The following CSMD2 variants were observed in gnomAD, a reference collection of about 807,000 sequenced individuals.
CSMD2 encodes CUB and sushi domain-containing protein 2.
In CSMD2, 130 loss-of-function variants were observed where a neutral mutation model predicts 398.5. The ratio of observed to expected loss-of-function variants is 0.33; its 90% CI spans 0.28 to 0.38. CSMD2 has a LOEUF of 0.38. CSMD2 is among the 10% of genes least tolerant of loss of function. The pLI, the probability that CSMD2 is intolerant of heterozygous loss-of-function variation, is 1.00. For synonymous variants in CSMD2, 1,828 were observed against 1,908.5 expected, an observed-to-expected ratio of 0.96 and a Z score of 1.10; for missense variants, 3,829 against 4,764.9, an observed-to-expected ratio of 0.80 and a Z score of 5.78.
chr1:33,847,850 C>T (rs542225044), intron 5 of CSMD2, among the ~76,000 whole-genome samples: 1 of 152,194 alleles, frequency 6.6e-6, no homozygotes, highest in East Asian at 1.9e-4. Context: ...CAAAAGCTTG[C>T]AAGGATTAAA....
chr1:33,519,691 A>T lies in CSMD2; in HGVS notation c.10737-14T>A, dbSNP rs755793348. The stretch of plus-strand genomic sequence containing the variant: ...TTGGGTCTTCTCCTGGCGATAAAAG[A>T]GGAAGTGCCCACGGCATGAAAAGAG... On this transcript the variant is annotated splice_polypyrimidine_tract_variant and intron_variant, in intron 69 of 70. Transcript: ENST00000373381. The surrounding 1 kb of genome is among the most constrained non-coding windows in gnomAD (Gnocchi z 5.6). 3 of 1,613,752 alleles carry T rather than the reference A, an allele frequency of 1.9e-6. No homozygotes were observed. In the Admixed American group the frequency reaches 5.0e-5, roughly 27 times the overall value.
intron 5 of CSMD2, among the ~76,000 whole-genome samples, chr1:33,901,299 G>T (rs1406534033): frequency 6.6e-6 from 1 of 152,228 alleles, no homozygotes. Context: ...TGATGCTGGT[G>T]AGATGCGGTT....
chr1:33,757,099 T>C (rs893420540), intron 13 of CSMD2, among the ~76,000 whole-genome samples: 21 of 151,566 alleles, frequency 1.4e-4, no homozygotes, highest in African/African-American at 1.9e-4. Flanking sequence ...TAGGTGGGAA[T>C]TGAACAATGA....
chr1:33,940,206 G>A (rs539138458), intron 3 of CSMD2, among the ~76,000 whole-genome samples: 1 of 152,096 alleles, frequency 6.6e-6, no homozygotes, highest in Admixed American at 6.5e-5. Flanking sequence ...GTGTTCTCTT[G>A]CTTTGTTTCT....
In CSMD2 at chr1:33,545,948, T is replaced by C; in HGVS notation, c.9100+89A>G. Reference sequence around the variant, plus strand: ...CAAATGGGGCCACGGTTTTTTTCTGTGAGCGCAGGTGCCTGGGAATAAGAG... The same window carrying C: ...CAAATGGGGCCACGGTTTTTTTCTGCGAGCGCAGGTGCCTGGGAATAAGAG... On this transcript the variant is annotated intron_variant, in intron 57 of 70. Coordinates refer to ENST00000373381, the MANE Select transcript of CSMD2 (RefSeq NM_001281956.2). 1.1e-5 allele frequency: 15 copies of C among 1,312,656 alleles called. 1 individual carries two copies. The highest frequency in any genetic ancestry group is 1.5e-5 in the Non-Finnish European group (14 of 950,890). The allele number at this position is 1,312,656 out of a possible 1,614,324, so 81.3% of individuals were successfully genotyped here. A position where few individuals can be genotyped will look rare whatever the true frequency, so the allele number is the denominator to read the frequency against.
chr1:34,056,190 T>G (rs1179255022), intron 2 of CSMD2, among the ~76,000 whole-genome samples: 1 of 152,190 alleles, frequency 6.6e-6, no homozygotes, highest in Non-Finnish European at 1.5e-5. Context: ...AACTCCCATT[T>G]CTTCTTTAAG....
At chr1:33,625,708 A>G (rs1057000466) in intron 33 of CSMD2, among the ~76,000 whole-genome samples, 1 of 152,042 alleles carries the variant, frequency 6.6e-6, no homozygotes, top group Non-Finnish European at 1.5e-5. Context: ...TGCCGCCCAG[A>G]ATGGCTGATG....
chr1:33,563,431 G>A (rs191368890), intron 53 of CSMD2, among the ~76,000 whole-genome samples: 17 of 152,218 alleles, frequency 1.1e-4, no homozygotes, highest in African/African-American at 3.9e-4. Flanking sequence ...ACACAGAGCA[G>A]ATGTGTGGGT....
At chr1:33,589,373 C>T (rs1410443294) in intron 44 of CSMD2, among the ~76,000 whole-genome samples, 2 of 152,194 alleles carry the variant, frequency 1.3e-5, no homozygotes, top group African/African-American at 4.8e-5. Flanking sequence ...GATGAGGTTA[C>T]AAGAACAACC....
chr1:33,581,875 A>G (rs1004837684), intron 47 of CSMD2, among the ~76,000 whole-genome samples: 2 of 152,200 alleles, frequency 1.3e-5, no homozygotes, highest in Non-Finnish European at 2.9e-5. Flanking sequence ...GAAGCTTGGA[A>G]AAATTAATGG....
intron 3 of CSMD2, among the ~76,000 whole-genome samples, chr1:33,967,777 T>C (rs1645614935): frequency 6.6e-6 from 1 of 152,176 alleles, no homozygotes; most frequent in African/African-American, 2.4e-5. Context: ...GCTTCAGTTT[T>C]ATTTGCACTT....
At chr1:33,900,045 G>A (rs1029307682) in intron 5 of CSMD2, among the ~76,000 whole-genome samples, 23 of 152,306 alleles carry the variant, frequency 1.5e-4, no homozygotes, top group East Asian at 9.7e-4. Flanking sequence ...GGGAGGCTCT[G>A]GGAGCAGGGT....
chr1:34,164,670 C>T lies in CSMD2; in HGVS notation c.187+241G>A, dbSNP rs1003486215. ...CCCAGGCCCCCACACCGGCCGCATC[C>T]GTCCAAGTTGCGGCTGGGGTTGGGG... On this transcript the variant is annotated intron_variant, in intron 1 of 70. Coordinates refer to ENST00000373381, the MANE Select transcript of CSMD2 (RefSeq NM_001281956.2). This position sits in a 1 kb window ranked among gnomAD's most constrained non-coding sequence, Gnocchi z 6.2. 6.6e-6 allele frequency among the ~76,000 whole-genome samples: 1 copy of T among 152,034 alleles called. No individual in the cohort carries two copies. Among genetic ancestry groups the T allele is most frequent in the Admixed American group, 6.5e-5 (1 of 15,270 alleles).
chr1:33,986,286 G>C (rs1436031964), intron 3 of CSMD2, among the ~76,000 whole-genome samples: 1 of 152,106 alleles, frequency 6.6e-6, no homozygotes, highest in African/African-American at 2.4e-5. Flanking sequence ...ATGTCTTTCT[G>C]TACCTCTCCA....
At chr1:33,800,153 T>C (rs1294548549) in intron 10 of CSMD2, among the ~76,000 whole-genome samples, 1 of 152,202 alleles carries the variant, frequency 6.6e-6, no homozygotes, top group African/African-American at 2.4e-5. Context: ...CCAGCCTCAG[T>C]TTACAATGTT....
chr1:34,134,705 T>C (rs1638532607), intron 1 of CSMD2, among the ~76,000 whole-genome samples: 1 of 152,180 alleles, frequency 6.6e-6, no homozygotes, highest in Admixed American at 6.5e-5. Context: ...GTCTTTTATA[T>C]GCAAAGAGTT....
intron 3 of CSMD2, among the ~76,000 whole-genome samples, chr1:34,029,559 A>G (rs1410801571): frequency 6.6e-6 from 1 of 152,232 alleles, no homozygotes; most frequent in African/African-American, 2.4e-5. Context: ...ACATTTGTCC[A>G]GATGCATGAA....
chr1:34,140,328 C>T (rs1400829790), intron 1 of CSMD2, among the ~76,000 whole-genome samples: 3 of 92,602 alleles, frequency 3.2e-5, no homozygotes, highest in Non-Finnish European at 4.3e-5. Flanking sequence ...AAAAAAAAAC[C>T]CAGCGGCAGA....
intron 64 of CSMD2, among the ~76,000 whole-genome samples, chr1:33,528,133 A>G (rs1654947075): frequency 6.6e-6 from 1 of 152,192 alleles, no homozygotes; most frequent in Non-Finnish European, 1.5e-5. Flanking sequence ...CAAAGGCAAA[A>G]GCTTTGGGCC....
Sources: allele counts gnomAD v4.1 joint callset (sites outside exome capture counted in the v4.1 genomes callset), GRCh38; gene constraint gnomAD v4.1.1; non-coding constraint Gnocchi (gnomAD v3.1); transcripts MANE v1.5; gene names NCBI Gene and HGNC (gene_info 2026-07-23, HGNC 2026-07-21).